APOL5: variants seen among roughly 807,000 people sequenced by gnomAD.
APOL5 encodes the protein apolipoprotein L5, also known as apolipoprotein L, 5.
APOL5 carries 29 observed loss-of-function variants against 35.5 expected under a neutral mutation model. That is an observed-to-expected ratio of 0.82 (90% CI 0.61 to 1.11). The LOEUF (loss-of-function observed/expected upper bound fraction) is 1.11. Among genes scored for constraint, APOL5 ranks in the 50% most tolerant of loss-of-function variants. The pLI is 0.00. For missense variants in APOL5, 514 were observed against 530.4 expected (o/e 0.97, Z 0.30); for synonymous variants, 188 against 200.2 (o/e 0.94, Z 0.51).
Position 35,720,648 on chromosome 22 carries a change from G to A in APOL5, c.136G>A (p.Glu46Lys). The A allele has an allele frequency of 6.2e-7, 1 of 1,610,086 alleles. No individual in the cohort carries two copies. The highest frequency in any genetic ancestry group is 8.5e-7 in the Non-Finnish European group (1 of 1,176,686). The change falls in exon 2 of 5, where the codon GAG becomes AAG. Residue 46 changes from glutamate to lysine, a missense_variant. Transcript: ENST00000249044. ...GEVWGKSPEP[E>K]FPSLVNLCQS... is the part of the protein sequence containing the mutation. ...GGTCTGGGGGAAGTCCCCAGAACCT[G>A]AGTTCCGTGAGGGCAGAGAACAGGC...
chr22:35,727,092 C>T lies in APOL5; in HGVS notation c.1024C>T (p.Arg342Trp), dbSNP rs201268160. The change falls in exon 3 of 5, where the codon CGG becomes TGG. Residue 342 changes from arginine (R) to tryptophan (W), a missense_variant. Coordinates refer to ENST00000249044, the MANE Select transcript of APOL5 (RefSeq NM_030642.1). ...TAAGAAGCTGGAGCAGGAGCTGGAC[C>T]GGCTCACCCAGCACCACCGGCACCT... Reference protein sequence around the residue: ...LAKKLEQELDRLTQHHRHLPQ... With the variant: ...LAKKLEQELDWLTQHHRHLPQ... The T allele has an allele frequency of 3.1e-6, 5 of 1,611,922 alleles. No homozygotes were observed. Among genetic ancestry groups the T allele is most frequent in the Non-Finnish European group, 4.2e-6 (5 of 1,179,988 alleles).
Position 35,726,302 on chromosome 22 carries a change from G to C in APOL5, c.234G>C (p.Leu78=). ...SDEAGMLSYF[L]FEELMRCDKD... The stretch of plus-strand genomic sequence containing the variant: ...AGGCTGGTATGCTGTCCTACTTTCT[G>C]TTTGAAGAGCTGATGCGATGTGACA... The change falls in exon 3 of 5, where the codon CTG becomes CTC. Residue 78 remains leucine (L), a synonymous_variant. Transcript: ENST00000249044. 1 of 1,614,180 alleles carries C rather than the reference G, an allele frequency of 6.2e-7. No individual in the cohort carries two copies. The highest frequency in any genetic ancestry group is 8.5e-7 in the Non-Finnish European group (1 of 1,180,052).
upstream of APOL5, chr22:35,717,754 G>GAAAGA (rs1926807973): frequency 1.2e-5 from 4 of 346,382 alleles, no homozygotes; most frequent in Non-Finnish European, 1.9e-5. Context: ...AAAAAAAAAA[G>GAAAGA]AAAGAAAAGA....
chr22:35,717,231 A>AT (rs1555930021), upstream of APOL5, among the ~76,000 whole-genome samples: 2 of 47,552 alleles, frequency 4.2e-5, no homozygotes, highest in Admixed American at 1.6e-4. Flanking sequence ...ACAAAAAAAA[A>AT]AAAAATATAT....
At chr22:35,717,753 A>AG (rs869272392), upstream of APOL5, 1 of 350,402 alleles carries the variant, frequency 2.9e-6, no homozygotes, top group Non-Finnish European at 4.3e-6. Flanking sequence ...AAAAAAAAAA[A>AG]GAAAGAAAAG....
the APOL5 span, among the ~76,000 whole-genome samples, chr22:35,711,598 T>TTTTC: frequency 2.1e-5 from 2 of 95,840 alleles, no homozygotes; most frequent in Admixed American, 1.9e-4. Flanking sequence ...TTCACCATGT[T>TTTTC]TTTCCTTCCT....
intron 4 of APOL5, 76 bp downstream of exon 4, chr22:35,728,980 T>C (rs920972656): frequency 4.9e-6 from 7 of 1,438,082 alleles, no homozygotes; most frequent in Non-Finnish European, 6.4e-6. Context: ...GTGGGTGGGC[T>C]TCAGGGAAAG....
chr22:35,711,623 C>CTTCT, the APOL5 span, among the ~76,000 whole-genome samples: 30 of 141,568 alleles, frequency 2.1e-4, 1 homozygote, highest in Non-Finnish European at 3.0e-4. Flanking sequence ...TCCTTCCTTC[C>CTTCT]TTCCTTCCTT....
At chr22:35,723,617 G>T (rs1262923811) in intron 2 of APOL5, among the ~76,000 whole-genome samples, 2 of 152,136 alleles carry the variant, frequency 1.3e-5, no homozygotes, top group African/African-American at 4.8e-5. Flanking sequence ...CTGTTAACAA[G>T]CGGCCAGAGT....
Position 35,727,065 on chromosome 22 carries a change from G to C in APOL5, c.997G>C (p.Ala333Pro), listed in dbSNP as rs746729996. 53 of 1,613,446 alleles carry C rather than the reference G, an allele frequency of 3.3e-5. No individual in the cohort carries two copies. Among genetic ancestry groups the C allele is most frequent in the Non-Finnish European group, 4.4e-5 (52 of 1,180,016 alleles). ...GACAGCAGAGGAACTGAGAGCACTT[G>C]CTAAGAAGCTGGAGCAGGAGCTGGA... ...TETAEELRAL[A>P]KKLEQELDRL... The change falls in exon 3 of 5, where the codon GCT (alanine) becomes CCT (proline). Residue 333 changes from alanine (A) to proline (P), a missense_variant. Coordinates refer to ENST00000249044, the MANE Select transcript of APOL5 (RefSeq NM_030642.1).
rs1569153172 is a variant in APOL5, at chr22:35,726,244, T to G, written c.176T>G (p.Ile59Ser). The G allele has an allele frequency of 6.2e-7, 1 of 1,611,652 alleles. No homozygotes were observed. Among genetic ancestry groups the G allele is most frequent in the Admixed American group, 1.7e-5 (1 of 59,982 alleles). ...SLVNLCQSWK[I>S]NNLMSTVHSD... The stretch of plus-strand genomic sequence containing the variant: ...GTGAACCTGTGCCAGAGTTGGAAAA[T>G]TAACAATTTGATGTCAACTGTCCAC... Residue 59 changes from isoleucine to serine, a missense_variant, in exon 3 of 5, where the codon ATT (isoleucine) becomes AGT (serine). Coordinates refer to ENST00000249044, the MANE Select transcript of APOL5 (RefSeq NM_030642.1).
chr22:35,717,764 A>T, upstream of APOL5: 1 of 457,858 alleles, frequency 2.2e-6, no homozygotes, highest in Middle Eastern at 5.8e-4. Context: ...GAAAGAAAAG[A>T]AAAGAAAAAA....
rs181607198 is a variant in APOL5, at chr22:35,720,518, G to A, written c.56-50G>A. The stretch of plus-strand genomic sequence containing the variant: ...TCCCGGAGCACTGTTATGTCTTTTC[G>A]GGCTGAGATGACTCAAGAAGAAATG... On this transcript the variant is annotated intron_variant, in intron 1 of 4. Coordinates refer to ENST00000249044, the MANE Select transcript of APOL5 (RefSeq NM_030642.1). 7.8e-4 allele frequency: 1,209 copies of A among 1,555,654 alleles called. 4 individuals carry two copies. In the African/African-American group the frequency reaches 0.013, roughly 17 times the overall value.
At chr22:35,716,670 C>T (rs955483916), upstream of APOL5, among the ~76,000 whole-genome samples, 1 of 152,150 alleles carries the variant, frequency 6.6e-6, no homozygotes, top group Admixed American at 6.6e-5. Context: ...CTAAATCTCC[C>T]TCCCTGAGCT....
chr22:35,718,096 A>G (rs1304396561), intron 1 of APOL5, among the ~76,000 whole-genome samples, 170 bp downstream of exon 1: 1 of 152,218 alleles, frequency 6.6e-6, no homozygotes, highest in Admixed American at 6.5e-5. Flanking sequence ...GACCCTCTCA[A>G]TTGCTCAGGT....
upstream of APOL5, among the ~76,000 whole-genome samples, chr22:35,716,541 C>T (rs566262411): frequency 1.7e-4 from 26 of 152,274 alleles, 1 homozygote; most frequent in South Asian, 3.5e-3. Context: ...GGATTACAGG[C>T]GTGAGCCACC....
chr22:35,729,020 G>T (rs1927277348), intron 4 of APOL5, 116 bp downstream of exon 4: 2 of 1,202,938 alleles, frequency 1.7e-6, no homozygotes, highest in South Asian at 3.6e-5. Context: ...GACAGAGGTT[G>T]TTGCTACCTT....
chr22:35,711,099 G>A, the APOL5 span, among the ~76,000 whole-genome samples: 1 of 152,234 alleles, frequency 6.6e-6, no homozygotes, highest in Non-Finnish European at 1.5e-5. Context: ...GAAGCCGGGA[G>A]TGGGAGGTTG....
In APOL5 at chr22:35,718,951, C is replaced by T. The variant is rs1444900496; in HGVS notation, c.55+1025C>T. On this transcript the variant is annotated intron_variant, in intron 1 of 4. Transcript: ENST00000249044. ...GTGCGCACCTATAATTGCAACAACT[C>T]GGGAGGCTGAGACAGGAGAATCACT... 4.6e-5 allele frequency among the ~76,000 whole-genome samples: 7 copies of T among 151,800 alleles called. No homozygotes were observed. The South Asian group carries it at 6.2e-4, about 14-fold the overall frequency.
Sources: gnomAD v4.1 joint callset for allele counts (sites outside exome capture counted in the v4.1 genomes callset) on GRCh38, gnomAD v4.1.1 for gene constraint, MANE v1.5 for transcripts, NCBI Gene and HGNC (gene_info 2026-07-23, HGNC 2026-07-21) for gene names.